The following MGAT5 variants were observed in gnomAD, a reference collection of about 807,000 sequenced individuals.
The protein encoded by MGAT5 is alpha-1,6-mannosylglycoprotein 6-beta-N-acetylglucosaminyltransferase, also known as alpha-1,6-mannosylglycoprotein 6-beta-N-acetylglucosaminyltransferase A.
A neutral mutation model predicts 94.3 loss-of-function variants in MGAT5; 30 were observed. That is an observed-to-expected ratio of 0.32 (90% CI 0.24 to 0.43). The LOEUF (loss-of-function observed/expected upper bound fraction) is 0.43, where lower values mean the gene tolerates loss of function less well. Ranked by LOEUF, MGAT5 falls within the 20% of genes least tolerant of loss-of-function variation. MGAT5 has a pLI of 1.00. For synonymous variants in MGAT5, 310 were observed against 322.9 expected (o/e 0.96, Z 0.43); for missense variants, 691 against 905.5 (o/e 0.76, Z 3.04).
intron 2 of MGAT5, among the ~76,000 whole-genome samples, chr2:134,290,406 A>C (rs1487315317): frequency 6.7e-6 from 1 of 149,316 alleles, no homozygotes; most frequent in African/African-American, 2.4e-5. Flanking sequence ...CTGTGCTGCA[A>C]ATTGGGGACT....
At chr2:134,328,030 T>A (rs1687744711) in intron 4 of MGAT5, among the ~76,000 whole-genome samples, 1 of 152,110 alleles carries the variant, frequency 6.6e-6, no homozygotes, top group Non-Finnish European at 1.5e-5. Context: ...ATAGAAAGTA[T>A]CTCTATGCAT....
intron 10 of MGAT5, among the ~76,000 whole-genome samples, chr2:134,387,301 G>GATATAGATATAT (rs1553458953): frequency 2.3e-5 from 1 of 42,606 alleles, no homozygotes; most frequent in African/African-American, 9.7e-5. Context: ...AGTTATGTAT[G>GATATAGATATAT]ATATATATAT....
rs1302518917 is a variant in MGAT5, at chr2:134,362,293, G to C, written c.1265G>C (p.Ser422Thr). ...ACACCAGCTCATACCCCAGACAACA[G>C]CTTTCTGGGGTTTGTGGTTGAGCAG... ...YTMFPHTPDN[S>T]FLGFVVEQHL... The change falls in exon 10 of 16, where the codon AGC becomes ACC. Residue 422 changes from serine (S) to threonine (T), a missense_variant. Ser to Thr is a moderately conservative substitution (Grantham distance 58). This residue lies in a region of MGAT5 where 121 missense variants were observed against 206.1 expected (regional missense o/e 0.59). Coordinates refer to ENST00000281923, the MANE Select transcript of MGAT5 (RefSeq NM_002410.5). 7 of 1,613,924 alleles carry C rather than the reference G, an allele frequency of 4.3e-6. No individual in the cohort carries two copies. Among genetic ancestry groups the C allele is most frequent in the Non-Finnish European group, 5.9e-6 (7 of 1,179,832 alleles).
chr2:134,176,246 T>C (rs1319922862), intron 1 of MGAT5, among the ~76,000 whole-genome samples: 2 of 150,296 alleles, frequency 1.3e-5, no homozygotes, highest in Non-Finnish European at 3.0e-5. Flanking sequence ...GGCTGAAGAG[T>C]TTTGGGACTC....
intron 1 of MGAT5, among the ~76,000 whole-genome samples, chr2:134,159,215 G>GTGTGTT (rs1687617180): frequency 6.6e-6 from 1 of 151,700 alleles, no homozygotes; most frequent in South Asian, 2.1e-4. Context: ...GTGTGTGTGT[G>GTGTGTT]TGTGTGTGTG....
intron 8 of MGAT5, among the ~76,000 whole-genome samples, chr2:134,345,494 T>C (rs1309529327): frequency 6.6e-6 from 1 of 152,178 alleles, no homozygotes; most frequent in Non-Finnish European, 1.5e-5. Flanking sequence ...ATCTGAATGC[T>C]GGGGTCTTGC....
chr2:134,252,168 A>G (rs1682646434), upstream of MGAT5, among the ~76,000 whole-genome samples: 1 of 152,194 alleles, frequency 6.6e-6, no homozygotes, highest in Admixed American at 6.5e-5. Flanking sequence ...GGTCTGAGGC[A>G]GGTGGTGGGA....
chr2:134,400,281 A>T (rs1682963651), intron 10 of MGAT5, among the ~76,000 whole-genome samples: 1 of 152,224 alleles, frequency 6.6e-6, no homozygotes, highest in African/African-American at 2.4e-5. Flanking sequence ...AGTGGTAACA[A>T]GAGACCTGAG....
At chr2:134,166,555 A>T (rs1379422479) in intron 1 of MGAT5, among the ~76,000 whole-genome samples, 1 of 152,250 alleles carries the variant, frequency 6.6e-6, no homozygotes, top group Admixed American at 6.5e-5. Context: ...TTCAGACATT[A>T]ATGTTGCCTT....
At chr2:134,321,747 T>G (rs956906013) in intron 4 of MGAT5, among the ~76,000 whole-genome samples, 4 of 152,214 alleles carry the variant, frequency 2.6e-5, no homozygotes, top group African/African-American at 9.6e-5. Context: ...GAGCAGTTAT[T>G]GAATTCATTG....
intron 10 of MGAT5, among the ~76,000 whole-genome samples, chr2:134,391,258 A>C (rs1443825489): frequency 6.6e-6 from 1 of 152,078 alleles, no homozygotes; most frequent in Middle Eastern, 3.2e-3. Flanking sequence ...AGAGGCTACC[A>C]CTTGGAGCTC....
chr2:134,320,820 C>T (rs1687269829), intron 4 of MGAT5, among the ~76,000 whole-genome samples: 1 of 152,142 alleles, frequency 6.6e-6, no homozygotes, highest in South Asian at 2.1e-4. Context: ...GGGCATGTGG[C>T]CCTGATTCTG....
At chr2:134,333,481 G>A (rs1423595196) in intron 4 of MGAT5, among the ~76,000 whole-genome samples, 1 of 151,292 alleles carries the variant, frequency 6.6e-6, no homozygotes, top group African/African-American at 2.4e-5. Context: ...TATATCTAAT[G>A]CTAAATGATG....
At chr2:134,231,220 T>A (rs1681346754) in intron 1 of MGAT5, 1 of 152,204 alleles carries the variant, frequency 6.6e-6, no homozygotes, top group Admixed American at 6.5e-5. Flanking sequence ...ACCTTGAATG[T>A]GTCCAATCTG....
At chr2:134,422,745 C>T in intron 12 of MGAT5, 58 bp from the exon 13 acceptor site, 1 of 1,319,216 alleles carries the variant, frequency 7.6e-7, no homozygotes, top group Non-Finnish European at 1.1e-6. Flanking sequence ...AGCACTCCAT[C>T]TAGCACAGGT....
rs1267285498 is a variant in MGAT5 at position 134,448,739 on chromosome 2, T to G, written c.2118T>G (p.Gly706=). 3 of 1,614,208 alleles carry G rather than the reference T, an allele frequency of 1.9e-6. No individual in the cohort carries two copies. The South Asian group carries it at 3.3e-5, about 18-fold the overall frequency. The change falls in exon 16 of 16, where the codon GGT becomes GGG. Residue 706 remains glycine, a synonymous_variant. Transcript: ENST00000281923. The stretch of plus-strand genomic sequence containing the variant: ...AGAATAAGCACTGTGTGTTTCAAGG[T>G]GACCTCCTGCTCTTCAGCTGTGCAG... ...DPKNKHCVFQ[G]DLLLFSCAGA...
At chr2:134,131,562 T>C (rs1686166609) in intron 1 of MGAT5, among the ~76,000 whole-genome samples, 1 of 147,684 alleles carries the variant, frequency 6.8e-6, no homozygotes, top group Non-Finnish European at 1.5e-5. Flanking sequence ...TATTTGCCTG[T>C]GGTAGATTGA....
intron 7 of MGAT5, among the ~76,000 whole-genome samples, chr2:134,342,644 C>T (rs1489078359): frequency 2.7e-5 from 4 of 149,708 alleles, no homozygotes; most frequent in Admixed American, 1.3e-4. Flanking sequence ...CCCATCTACT[C>T]GAGAGGCAGA....
chr2:134,172,474 C>T (rs1485853409), intron 1 of MGAT5, among the ~76,000 whole-genome samples: 2 of 152,118 alleles, frequency 1.3e-5, no homozygotes, highest in African/African-American at 2.4e-5. Context: ...GCAAGCTCCG[C>T]CTCCTTGGTT....
Sources: gnomAD v4.1 joint callset for allele counts (sites outside exome capture counted in the v4.1 genomes callset) on GRCh38, gnomAD v4.1.1 for gene constraint, gnomAD v4.1.1 regional missense constraint, MANE v1.5 for transcripts, NCBI Gene and HGNC (gene_info 2026-07-23, HGNC 2026-07-21) for gene names.